ANK1: variants seen among roughly 807,000 people sequenced by gnomAD.
ANK1 encodes ankyrin 1.
ANK1 carries 51 observed loss-of-function variants against 210.4 expected under a neutral mutation model. That is an observed-to-expected ratio of 0.24 (90% confidence interval 0.19 to 0.31). The LOEUF is 0.31. ANK1 is among the 10% of genes least tolerant of loss of function. ANK1 has a pLI of 1.00. For missense variants in ANK1, 2,051 were observed against 2,504.4 expected (o/e 0.82, Z 3.86); for synonymous variants, 967 against 1,025.9 (o/e 0.94, Z 1.10).
At chr8:41,662,247 ACT>A (rs954537388) in intron 40 of ANK1, among the ~76,000 whole-genome samples, 1 of 147,856 alleles carries the variant, frequency 6.8e-6, no homozygotes, top group Non-Finnish European at 1.5e-5. Context: ...ACAGAGCAAC[ACT>A]CTGTGTCAAA....
In ANK1 at chr8:41,839,516, TC is replaced by T. The variant is rs1425325520; in HGVS notation, c.126+56838del. Reference sequence around the variant, plus strand: ...TGTTTAGCAGGAAACAGGCTTGGCCTCCCCGAGGCCCTAGAGATGATTTTCA... The same window carrying T: ...TGTTTAGCAGGAAACAGGCTTGGCCTCCCGAGGCCCTAGAGATGATTTTCA... On this transcript the variant is annotated intron_variant, in intron 1 of 42. Coordinates refer to the ANK1 transcript ENST00000265709. 3.3e-5 allele frequency among the ~76,000 whole-genome samples: 5 copies of T among 152,318 alleles called. No homozygotes were observed. In the East Asian group the frequency reaches 7.7e-4, roughly 24 times the overall value.
intron 16 of ANK1, among the ~76,000 whole-genome samples, chr8:41,711,366 A>T (rs1477152834): frequency 6.6e-6 from 1 of 152,240 alleles, no homozygotes; most frequent in Non-Finnish European, 1.5e-5. Flanking sequence ...GAAGGAAGGG[A>T]GGTTGGACAC....
chr8:41,696,265 G>A, intron 26 of ANK1, 98 bp downstream of exon 26: 1 of 1,364,768 alleles, frequency 7.3e-7, no homozygotes, highest in Non-Finnish European at 1.0e-6. Context: ...GAAAGGGGAG[G>A]GGCACCCAGT....
In ANK1 at chr8:41,653,789, C is replaced by G. The variant is rs1804820769; in HGVS notation, c.*2001G>C. 6.6e-6 allele frequency: 1 copy of G among 152,216 alleles called. No homozygotes were observed. Among genetic ancestry groups the G allele is most frequent in the South Asian group, 2.1e-4 (1 of 4,836 alleles). The allele number at this position is 152,216 out of a possible 1,614,324, so 9.4% of individuals were successfully genotyped here. A position where few individuals can be genotyped will look rare whatever the true frequency, so the allele number is the denominator to read the frequency against. ...GCCTCTGGCGGAGACGGCAGCCGTC[C>G]GGGCTCGCCCTGCAGCTCCTCCGAC... On this transcript the variant is annotated 3_prime_UTR_variant, in exon 43 of 43. Transcript: ENST00000289734.
At chr8:41,762,271 C>T (rs537836500) in intron 1 of ANK1, among the ~76,000 whole-genome samples, 2 of 152,228 alleles carry the variant, frequency 1.3e-5, no homozygotes, top group Non-Finnish European at 2.9e-5. Context: ...TTCTTCCCTT[C>T]AAGGCCCTGA....
At chr8:41,800,486 G>T (rs142317649), upstream of ANK1, among the ~76,000 whole-genome samples, 2 of 152,156 alleles carry the variant, frequency 1.3e-5, no homozygotes, top group African/African-American at 4.8e-5. Flanking sequence ...GACAATATAC[G>T]TTCCCCATCT....
intron 8 of ANK1, 72 bp from the exon 9 acceptor site, chr8:41,723,295 C>A (rs1008207703): frequency 6.7e-7 from 1 of 1,501,576 alleles, no homozygotes; most frequent in Non-Finnish European, 9.3e-7. Flanking sequence ...AGAAGACTGC[C>A]TATGGCATCA....
intron 26 of ANK1, 93 bp downstream of exon 26, chr8:41,696,270 C>G (rs762608379): frequency 7.7e-5 from 109 of 1,410,448 alleles, no homozygotes; most frequent in Middle Eastern, 4.7e-4. Context: ...GGGAGGGGCA[C>G]CCAGTTCTGT....
intron 1 of ANK1, among the ~76,000 whole-genome samples, chr8:41,845,720 G>A (rs141630933): frequency 3.3e-5 from 5 of 152,226 alleles, no homozygotes; most frequent in East Asian, 3.9e-4. Flanking sequence ...GTCTCCTCAC[G>A]AAATGATCTG....
intron 1 of ANK1, among the ~76,000 whole-genome samples, chr8:41,884,313 A>C (rs2150833346): frequency 6.6e-6 from 1 of 152,326 alleles, no homozygotes; most frequent in Non-Finnish European, 1.5e-5. Context: ...ACGCCATTGC[A>C]CTCCAGCCTG....
At chr8:41,890,422 G>T (rs7813916) in intron 1 of ANK1, among the ~76,000 whole-genome samples, 3,655 of 152,254 alleles carry the variant, frequency 0.024, 134 homozygotes, top group African/African-American at 0.083. Flanking sequence ...ACAAACACTG[G>T]CTGGGTGGGG....
chr8:41,664,299 C>A, intron 39 of ANK1: 1 of 379,572 alleles, frequency 2.6e-6, no homozygotes, highest in South Asian at 2.0e-5. Flanking sequence ...TAGCGAGCCC[C>A]CATCTCTACA....
At chr8:41,863,967 G>A (rs1034275271) in intron 1 of ANK1, among the ~76,000 whole-genome samples, 1 of 152,144 alleles carries the variant, frequency 6.6e-6, no homozygotes, top group African/African-American at 2.4e-5. Flanking sequence ...ACCACTGGCC[G>A]GGCATGGTGG....
chr8:41,750,142 T>C (rs1056137597), intron 2 of ANK1, among the ~76,000 whole-genome samples: 1 of 152,268 alleles, frequency 6.6e-6, no homozygotes, highest in Non-Finnish European at 1.5e-5. Flanking sequence ...CTGTAGAAAG[T>C]ACTACACTGT....
intron 8 of ANK1, 89 bp downstream of exon 8, chr8:41,723,446 T>G: frequency 6.8e-7 from 1 of 1,470,080 alleles, no homozygotes; most frequent in Non-Finnish European, 9.5e-7. Flanking sequence ...CATCCCTAAC[T>G]AGGTCACCAA....
Position 41,655,405 on chromosome 8 carries a change from C to A in ANK1, c.*385G>T, listed in dbSNP as rs1343502294. 4.5e-4 allele frequency: 119 copies of A among 262,670 alleles called. No individual in the cohort carries two copies. Among genetic ancestry groups the A allele is most frequent in the Middle Eastern group, 1.2e-3 (1 of 846 alleles). 16.3% of individuals were successfully genotyped at this position (262,670 alleles called of 1,614,324 possible). ...AAGTCAAAACAATTTAAAAAAAAAA[C>A]CCCAAAACCAAAACCCATCCCCAGC... On this transcript the variant is annotated 3_prime_UTR_variant, in exon 43 of 43. Coordinates refer to ENST00000289734, the MANE Select transcript of ANK1 (RefSeq NM_000037.4).
chr8:41,795,241 A>C (rs1471695760), intron 1 of ANK1, among the ~76,000 whole-genome samples: 1 of 152,144 alleles, frequency 6.6e-6, no homozygotes, highest in South Asian at 2.1e-4. Context: ...GGCCAGGCGC[A>C]GCGGCTCACG....
intron 1 of ANK1, among the ~76,000 whole-genome samples, chr8:41,767,883 A>G (rs13271053): frequency 0.13 from 20,346 of 152,124 alleles, 1,397 homozygotes; most frequent in African/African-American, 0.15. Context: ...AGCAAACTCT[A>G]TTTATGCCCC....
At chr8:41,747,137 A>T (rs1428974095) in intron 2 of ANK1, among the ~76,000 whole-genome samples, 5 of 152,214 alleles carry the variant, frequency 3.3e-5, no homozygotes, top group African/African-American at 7.2e-5. Flanking sequence ...TAAACTGTTA[A>T]CAGTGGTTTC....
Sources: allele counts gnomAD v4.1 joint callset (sites outside exome capture counted in the v4.1 genomes callset), GRCh38; gene constraint gnomAD v4.1.1; transcripts MANE v1.5; gene names NCBI Gene and HGNC (gene_info 2026-07-23, HGNC 2026-07-21).